TARDBP: variants seen among roughly 807,000 people sequenced by gnomAD.
The protein encoded by TARDBP is TAR DNA-binding protein 43.
A neutral mutation model predicts 38.3 loss-of-function variants in TARDBP; 4 were observed. The observed-to-expected ratio is 0.10, with a 90% CI of 0.05 to 0.24. The LOEUF is 0.24. Among genes scored for constraint, TARDBP ranks in the 10% least tolerant of loss-of-function variants. TARDBP has a pLI of 1.00. For synonymous variants in TARDBP, 184 were observed against 183.8 expected, an observed-to-expected ratio of 1.00 and a Z score of -0.01; for missense variants, 202 against 521.9, an observed-to-expected ratio of 0.39 and a Z score of 5.97.
downstream of TARDBP, among the ~76,000 whole-genome samples, chr1:11,028,715 T>G (rs796376179): frequency 4.7e-3 from 692 of 145,702 alleles, 2 homozygotes; most frequent in South Asian, 8.6e-3. Flanking sequence ...TCTTTTTTTT[T>G]TTTTTTTTTT....
chr1:11,026,989 CTA>C, downstream of TARDBP: 1 of 1,594,344 alleles, frequency 6.3e-7, no homozygotes. Context: ...CCCCAGGACA[CTA>C]TTCCTCCCAC....
downstream of TARDBP, chr1:11,029,634 C>CTTTTTTTTTTTTTTTTTTTT (rs551910712): frequency 1.2e-5 from 1 of 80,934 alleles, no homozygotes. Flanking sequence ...TTTTTAAAAT[C>CTTTTTTTTTTTTTTTTTTTT]TTTTTTTTTT....
Position 11,022,748 on chromosome 1 carries a change from A to G in TARDBP, c.*94A>G. 1 of 1,500,500 alleles carries G rather than the reference A, an allele frequency of 6.7e-7. No individual in the cohort carries two copies. The highest frequency in any genetic ancestry group is 8.9e-7 in the Non-Finnish European group (1 of 1,126,394). 92.9% of individuals were successfully genotyped at this position (1,500,500 alleles called of 1,614,324 possible). On this transcript the variant is annotated 3_prime_UTR_variant, in exon 6 of 6. Transcript: ENST00000240185. The surrounding 1 kb of genome is among the most constrained non-coding windows in gnomAD (Gnocchi z 4.5). ...TATTGTAAAATACATATGTACTAAGAATTTTCAAAATTGGTTTGTTCAGTG... is the reference window on the plus strand; with the variant it reads ...TATTGTAAAATACATATGTACTAAGGATTTTCAAAATTGGTTTGTTCAGTG...
At chr1:11,017,317 G>GTCTCGGCC (rs1643547390) in intron 3 of TARDBP, among the ~76,000 whole-genome samples, 1 of 149,112 alleles carries the variant, frequency 6.7e-6, no homozygotes, top group Non-Finnish European at 1.5e-5. Flanking sequence ...GATTTCTCCT[G>GTCTCGGCC]TCTCGGCCTC....
rs1419211013 is a variant in TARDBP, at chr1:11,024,259, C to G, written c.*1605C>G. 3.3e-5 allele frequency: 5 copies of G among 152,448 alleles called. No individual in the cohort carries two copies. Among genetic ancestry groups the G allele is most frequent in the African/African-American group, 4.8e-5 (2 of 41,336 alleles). 9.4% of individuals were successfully genotyped at this position (152,448 alleles called of 1,614,324 possible). ...CAGACTTAATTGGTATTTGTTCTTG[C>G]ATTGGCCAAAGTGAAAATTTTTTTT... On this transcript the variant is annotated 3_prime_UTR_variant, in exon 6 of 6. Transcript: ENST00000240185.
chr1:11,030,233 C>G, downstream of TARDBP: 2 of 1,613,504 alleles, frequency 1.2e-6, no homozygotes, highest in Non-Finnish European at 1.7e-6. Flanking sequence ...AATCCATCAG[C>G]CTCACACACA....
At chr1:11,014,069 T>A in intron 2 of TARDBP, 104 bp downstream of exon 2, 1 of 1,183,514 alleles carries the variant, frequency 8.4e-7, no homozygotes, top group Non-Finnish European at 1.3e-6. Context: ...TCCTGAAACT[T>A]AAGTATTTCC....
At chr1:11,013,490 C>T (rs999818567) in intron 1 of TARDBP, among the ~76,000 whole-genome samples, 1 of 152,210 alleles carries the variant, frequency 6.6e-6, no homozygotes, top group Non-Finnish European at 1.5e-5. Flanking sequence ...CATAAGCCTT[C>T]AGGGAAAGTT....
chr1:11,027,632 G>A (rs199953319), downstream of TARDBP: 281 of 1,605,742 alleles, frequency 1.7e-4, 1 homozygote, highest in Non-Finnish European at 2.7e-5. Flanking sequence ...CTGTTGTGCG[G>A]GCTGATAGTC....
rs1368046563 is a variant in TARDBP, at chr1:11,023,056, T to C, written c.*402T>C. 1.0e-5 allele frequency: 15 copies of C among 1,447,962 alleles called. No individual in the cohort carries two copies. Among genetic ancestry groups the C allele is most frequent in the East Asian group, 2.5e-5 (1 of 39,690 alleles). The allele number at this position is 1,447,962 out of a possible 1,614,324, so 89.7% of individuals were successfully genotyped here. ...TTGTTTTAATTTGAACCCCACCATA[T>C]GGATTTTTTTCCTTAAGAAAATCTC... On this transcript the variant is annotated 3_prime_UTR_variant, in exon 6 of 6. Coordinates refer to ENST00000240185, the MANE Select transcript of TARDBP (RefSeq NM_007375.4).
chr1:11,021,156 G>C (rs1474808071), intron 5 of TARDBP, among the ~76,000 whole-genome samples: 3 of 141,186 alleles, frequency 2.1e-5, no homozygotes, highest in African/African-American at 8.5e-5. Context: ...TTTTTTTTTT[G>C]AGACAGAGTT....
chr1:11,026,569 C>T (rs560580205), downstream of TARDBP: 3 of 206,500 alleles, frequency 1.5e-5, no homozygotes, highest in Non-Finnish European at 1.9e-5. Context: ...AGGCAGTTTA[C>T]AGAAATGCCA....
chr1:11,022,024 C>A lies in TARDBP; in HGVS notation c.715-100C>A. The A allele has an allele frequency of 7.1e-7, 1 of 1,412,268 alleles. No homozygotes were observed. Among genetic ancestry groups the A allele is most frequent in the Non-Finnish European group, 9.9e-7 (1 of 1,008,666 alleles). 87.5% of individuals were successfully genotyped at this position (1,412,268 alleles called of 1,614,324 possible). Reference sequence around the variant, plus strand: ...TGTTCATTGCTTATTTTTCCTCTGGCTTTAGATAAATTAATGCTTGTAATC... The same window carrying A: ...TGTTCATTGCTTATTTTTCCTCTGGATTTAGATAAATTAATGCTTGTAATC... On this transcript the variant is annotated intron_variant, in intron 5 of 5. Transcript: ENST00000240185. The surrounding 1 kb of genome is among the most constrained non-coding windows in gnomAD (Gnocchi z 4.5).
intron 2 of TARDBP, among the ~76,000 whole-genome samples, chr1:11,014,786 A>G (rs912385922): frequency 1.3e-5 from 2 of 152,126 alleles, no homozygotes; most frequent in Non-Finnish European, 2.9e-5. Context: ...CAAAAACACA[A>G]AATCTCTGGA....
At position 11,018,577 on chromosome 1, in the gene TARDBP, ACCT is replaced by A; in HGVS notation, c.403-152_403-150del. The A allele has an allele frequency of 4.3e-6, 4 of 928,914 alleles. No individual in the cohort carries two copies. The East Asian group carries it at 9.9e-5, about 23-fold the overall frequency. The allele number at this position is 928,914 out of a possible 1,614,324, so 57.5% of individuals were successfully genotyped here. Reference sequence around the variant, plus strand: ...TTAACACAGTATGGATTCAATATTAACCTCCTTGTTTTTACTGTTAAGACTAAC... The same window carrying A: ...TTAACACAGTATGGATTCAATATTAACCTTGTTTTTACTGTTAAGACTAAC... On this transcript the variant is annotated intron_variant, in intron 3 of 5. Coordinates refer to ENST00000240185, the MANE Select transcript of TARDBP (RefSeq NM_007375.4).
Position 11,016,979 on chromosome 1 carries a change from G to A in TARDBP, c.374G>A (p.Ser125Asn), listed in dbSNP as rs760327879. The part of the protein sequence containing the change: ...TTEQDLKEYF[S>N]TFGEVLMVQV... ...GAACAGGACCTGAAAGAGTATTTTAGTACCTTTGGAGAAGTTCTTATGGTG... is the reference window on the plus strand; with the variant it reads ...GAACAGGACCTGAAAGAGTATTTTAATACCTTTGGAGAAGTTCTTATGGTG... Residue 125 changes from serine to asparagine, a missense_variant, in exon 3 of 6, where the codon AGT (serine) becomes AAT (asparagine). By Grantham distance (46) the Ser-to-Asn change is conservative (BLOSUM62 1). Around this residue, in one of 5 missense-constraint regions of TARDBP, gnomAD observed 71 missense variants for 185.4 expected, o/e 0.38. Coordinates refer to ENST00000240185, the MANE Select transcript of TARDBP (RefSeq NM_007375.4). 12 of 1,614,212 alleles carry A rather than the reference G, an allele frequency of 7.4e-6. No individual in the cohort carries two copies. Among genetic ancestry groups the A allele is most frequent in the South Asian group, 1.1e-5 (1 of 91,088 alleles).
rs780670219 is a variant in TARDBP at position 11,022,838 on chromosome 1, A to G, written c.*184A>G. Reference sequence around the variant, plus strand: ...AAAAAGGAAGAGCTAAAGGAATTTTATAAGTTTTGTTACATGAAAGGTTGA... The same window carrying G: ...AAAAAGGAAGAGCTAAAGGAATTTTGTAAGTTTTGTTACATGAAAGGTTGA... On this transcript the variant is annotated 3_prime_UTR_variant, in exon 6 of 6. Coordinates refer to ENST00000240185, the MANE Select transcript of TARDBP (RefSeq NM_007375.4). This position sits in a 1 kb window ranked among gnomAD's most constrained non-coding sequence, Gnocchi z 4.5. The G allele has an allele frequency of 1.7e-5, 24 of 1,375,070 alleles. No individual in the cohort carries two copies. Among genetic ancestry groups the G allele is most frequent in the Admixed American group, 3.5e-5 (1 of 28,884 alleles). 85.2% of individuals were successfully genotyped at this position (1,375,070 alleles called of 1,614,324 possible).
chr1:11,027,102 TTAGCAGTTACAC>T, downstream of TARDBP: 1 of 1,607,744 alleles, frequency 6.2e-7, no homozygotes, highest in Non-Finnish European at 8.5e-7. Flanking sequence ...ACAAAGCATG[TTAGCAGTTACAC>T]TTCCCCTTGG....
chr1:11,019,712 G>A (rs1229226295), intron 4 of TARDBP, among the ~76,000 whole-genome samples: 1 of 151,926 alleles, frequency 6.6e-6, no homozygotes, highest in Non-Finnish European at 1.5e-5. Flanking sequence ...GACTACAGGT[G>A]CCCACCAACA....
Sources: gnomAD v4.1 joint callset for allele counts (sites outside exome capture counted in the v4.1 genomes callset) on GRCh38, gnomAD v4.1.1 for gene constraint, gnomAD v4.1.1 regional missense constraint, Gnocchi (gnomAD v3.1) non-coding constraint, MANE v1.5 for transcripts, NCBI Gene and HGNC (gene_info 2026-07-23, HGNC 2026-07-21) for gene names.